CCSER1: variants seen among roughly 807,000 people sequenced by gnomAD.
The protein encoded by CCSER1 is serine-rich coiled-coil domain-containing protein 1.
A neutral mutation model predicts 82.0 loss-of-function variants in CCSER1; 41 were observed. The ratio of observed to expected loss-of-function variants is 0.50; its 90% CI spans 0.39 to 0.65. The LOEUF (loss-of-function observed/expected upper bound fraction) is 0.65, where lower values mean the gene tolerates loss of function less well. Among genes scored for constraint, CCSER1 ranks in the 30% least tolerant of loss-of-function variants. CCSER1 has a pLI of 0.00. For missense variants in CCSER1, 1,119 were observed against 1,064.2 expected (o/e 1.05, Z -0.72); for synonymous variants, 414 against 383.9 (o/e 1.08, Z -0.92).
chr4:90,168,298 C>G (rs894727520), intron 1 of CCSER1, among the ~76,000 whole-genome samples: 4 of 152,016 alleles, frequency 2.6e-5, no homozygotes, highest in African/African-American at 9.7e-5. Context: ...TGTTCATATC[C>G]TTTGCCCACT....
intron 10 of CCSER1, among the ~76,000 whole-genome samples, chr4:91,114,016 C>A (rs943506351): frequency 1.3e-5 from 2 of 152,080 alleles, no homozygotes; most frequent in Non-Finnish European, 2.9e-5. Flanking sequence ...CCACGCCCGG[C>A]TAATTTTTTG....
At chr4:90,903,788 G>T (rs2150159431) in intron 8 of CCSER1, among the ~76,000 whole-genome samples, 1 of 147,302 alleles carries the variant, frequency 6.8e-6, no homozygotes, top group African/African-American at 2.5e-5. Context: ...AGTGAGCTAA[G>T]ATCACACCAC....
chr4:90,922,178 G>T (rs1728485076), intron 8 of CCSER1, among the ~76,000 whole-genome samples: 1 of 151,904 alleles, frequency 6.6e-6, no homozygotes, highest in Non-Finnish European at 1.5e-5. Flanking sequence ...CTATATTTCA[G>T]TAAGTTAAAC....
At chr4:91,012,596 T>C (rs1739085795) in intron 9 of CCSER1, among the ~76,000 whole-genome samples, 1 of 151,312 alleles carries the variant, frequency 6.6e-6, no homozygotes, top group East Asian at 2.0e-4. Context: ...GGCTGGGGGA[T>C]GTCAGGCCAC....
intron 10 of CCSER1, among the ~76,000 whole-genome samples, chr4:91,409,824 A>G (rs1302273150): frequency 6.6e-6 from 1 of 152,126 alleles, no homozygotes; most frequent in Non-Finnish European, 1.5e-5. Flanking sequence ...CTGGGATCAC[A>G]GGCGCCTGCC....
At chr4:90,667,293 T>G (rs1731966735) in intron 6 of CCSER1, among the ~76,000 whole-genome samples, 1 of 152,168 alleles carries the variant, frequency 6.6e-6, no homozygotes, top group Non-Finnish European at 1.5e-5. Context: ...GCCATTTCAT[T>G]GTGTCATTGT....
intron 5 of CCSER1, among the ~76,000 whole-genome samples, chr4:90,486,843 A>C (rs1263778784): frequency 6.6e-6 from 1 of 152,254 alleles, no homozygotes; most frequent in African/African-American, 2.4e-5. Context: ...CAGTAAGCTG[A>C]AAAGAAAGCC....
intron 10 of CCSER1, among the ~76,000 whole-genome samples, chr4:91,544,016 T>C (rs888628943): frequency 6.6e-6 from 1 of 152,300 alleles, no homozygotes; most frequent in Middle Eastern, 3.4e-3. Flanking sequence ...ACTGTTTTTT[T>C]CTCTAAACTT....
chr4:90,690,682 C>A (rs77662342), intron 6 of CCSER1, among the ~76,000 whole-genome samples: 200 of 152,130 alleles, frequency 1.3e-3, no homozygotes, highest in African/African-American at 3.9e-3. Context: ...ATAAGTGGTA[C>A]TCCCATAATC....
intron 1 of CCSER1, among the ~76,000 whole-genome samples, chr4:90,290,880 T>A (rs939248123): frequency 3.9e-5 from 6 of 152,062 alleles, no homozygotes; most frequent in African/African-American, 1.4e-4. Context: ...GATGTTATTG[T>A]TACTGTTGTA....
chr4:90,956,382 C>T (rs1319423674), intron 9 of CCSER1, among the ~76,000 whole-genome samples: 1 of 152,002 alleles, frequency 6.6e-6, no homozygotes, highest in African/African-American at 2.4e-5. Flanking sequence ...ATAGGATTTT[C>T]CTAAGAATAA....
intron 1 of CCSER1, among the ~76,000 whole-genome samples, chr4:90,240,668 T>A (rs1746664931): frequency 6.6e-6 from 1 of 152,218 alleles, no homozygotes; most frequent in Non-Finnish European, 1.5e-5. Context: ...AATTCATAAC[T>A]AGCACACATT....
At chr4:90,186,381 C>A (rs982367994) in intron 1 of CCSER1, among the ~76,000 whole-genome samples, 13 of 151,786 alleles carry the variant, frequency 8.6e-5, no homozygotes, top group Admixed American at 7.9e-4. Context: ...GATGTTTAAC[C>A]CTGGGTGACT....
intron 10 of CCSER1, among the ~76,000 whole-genome samples, chr4:91,254,676 A>C (rs1044856441): frequency 3.2e-4 from 49 of 152,144 alleles, no homozygotes; most frequent in African/African-American, 1.2e-3. Context: ...CATACTCAAA[A>C]GTGGTAAAGA....
chr4:90,852,603 G>A (rs1764012615), intron 8 of CCSER1, among the ~76,000 whole-genome samples: 1 of 152,154 alleles, frequency 6.6e-6, no homozygotes, highest in South Asian at 2.1e-4. Context: ...TTCATCTCTG[G>A]CAACGGCTCT....
chr4:91,155,670 C>T (rs1730742386), intron 10 of CCSER1, among the ~76,000 whole-genome samples: 1 of 151,904 alleles, frequency 6.6e-6, no homozygotes, highest in Non-Finnish European at 1.5e-5. Context: ...TATATCTTCA[C>T]ATATTTGAAA....
At chr4:90,953,159 T>C (rs935844241) in intron 9 of CCSER1, among the ~76,000 whole-genome samples, 3 of 152,058 alleles carry the variant, frequency 2.0e-5, no homozygotes, top group Admixed American at 1.3e-4. Flanking sequence ...TGTCATCTAG[T>C]TAACTTTTAT....
intron 4 of CCSER1, among the ~76,000 whole-genome samples, chr4:90,424,101 A>G (rs1476952785): frequency 3.3e-5 from 5 of 152,040 alleles, no homozygotes; most frequent in African/African-American, 1.2e-4. Flanking sequence ...AAAAAAAAAA[A>G]AAAGAAAAAT....
intron 10 of CCSER1, among the ~76,000 whole-genome samples, chr4:91,100,243 C>G (rs576456738): frequency 6.6e-6 from 1 of 151,924 alleles, no homozygotes; most frequent in African/African-American, 2.4e-5. Flanking sequence ...ATTAAAAGAA[C>G]TACACATTAC....
Sources: allele counts gnomAD v4.1 joint callset (sites outside exome capture counted in the v4.1 genomes callset), GRCh38; gene constraint gnomAD v4.1.1; transcripts MANE v1.5; gene names NCBI Gene and HGNC (gene_info 2026-07-23, HGNC 2026-07-21).